CD99: variants seen among roughly 807,000 people sequenced by gnomAD.
CD99 encodes the protein CD99 antigen.
Under a neutral mutation model 28.4 loss-of-function variants are expected in CD99, and 19 were observed. The ratio of observed to expected loss-of-function variants is 0.67; its 90% CI spans 0.47 to 0.98. CD99 has a LOEUF of 0.98. Among genes scored for constraint, CD99 ranks in the 50% least tolerant of loss-of-function variants. The pLI is 0.00. For synonymous variants in CD99, 103 were observed against 92.1 expected (o/e 1.12, Z -0.67); for missense variants, 283 against 248.8 (o/e 1.14, Z -0.92).
Position 2,698,392 on chromosome X carries a change from C to T in CD99, c.67+6965C>T, listed in dbSNP as rs144801779. On this transcript the variant is annotated intron_variant, in intron 1 of 9. Transcript: ENST00000381192. ...CTACATTGCCCAGGCTGGTCTTGAA[C>T]TCCTGGGCTCAAGCAAACCTCTCGC... 2.1e-3 allele frequency among the ~76,000 whole-genome samples: 317 copies of T among 151,630 alleles called. 1 individual carries two copies. The highest frequency in any genetic ancestry group is 6.9e-3 in the Middle Eastern group (2 of 288).
chrX:2,708,173 A>G (rs1378399909), intron 1 of CD99, among the ~76,000 whole-genome samples: 1 of 152,010 alleles, frequency 6.6e-6, no homozygotes, highest in Non-Finnish European at 1.5e-5. Flanking sequence ...GGGGAACTGC[A>G]TCCCTTCACA....
chrX:2,697,364 C>T (rs1240815848), intron 1 of CD99, among the ~76,000 whole-genome samples: 5 of 152,144 alleles, frequency 3.3e-5, no homozygotes, highest in African/African-American at 7.2e-5. Context: ...TGCTCCAAAG[C>T]GCTGTTTAAA....
intron 1 of CD99, among the ~76,000 whole-genome samples, chrX:2,703,393 G>C (rs1402461775): frequency 2.6e-5 from 4 of 152,072 alleles, no homozygotes; most frequent in South Asian, 4.1e-4. Context: ...ATCAATGTGA[G>C]TGACTCCACA....
At chrX:2,703,605 A>AGAGTGTGT (rs780707509) in intron 1 of CD99, among the ~76,000 whole-genome samples, 3 of 138,404 alleles carry the variant, frequency 2.2e-5, no homozygotes, top group African/African-American at 8.1e-5. Flanking sequence ...CGAGCTGTTA[A>AGAGTGTGT]GTGTGTGTGT....
At chrX:2,731,987 G>A (rs2049634412) in intron 8 of CD99, among the ~76,000 whole-genome samples, 1 of 150,348 alleles carries the variant, frequency 6.7e-6, no homozygotes, top group Admixed American at 6.6e-5. Context: ...AAAAAAATTA[G>A]CTGAGTGTGG....
intron 8 of CD99, chrX:2,733,209 G>C: frequency 1.2e-6 from 1 of 803,620 alleles, no homozygotes; most frequent in Non-Finnish European, 2.1e-6. Flanking sequence ...CTCACACTTT[G>C]AGCCTCTATC....
intron 2 of CD99, chrX:2,715,105 G>GA (rs2048626765): frequency 6.6e-6 from 1 of 152,304 alleles, no homozygotes; most frequent in South Asian, 2.1e-4. Context: ...TCTCCATGGG[G>GA]CCACTCCTTC....
chrX:2,699,467 CTT>C (rs749766023), intron 1 of CD99, among the ~76,000 whole-genome samples: 45 of 120,798 alleles, frequency 3.7e-4, no homozygotes, highest in Admixed American at 8.7e-4. Flanking sequence ...CGCGCCCAGC[CTT>C]TTTTTTTTTT....
At chrX:2,732,560 T>C (rs922055523) in intron 8 of CD99, among the ~76,000 whole-genome samples, 1 of 124,350 alleles carries the variant, frequency 8.0e-6, no homozygotes, top group African/African-American at 2.8e-5. Flanking sequence ...CCCTCAGTTC[T>C]CCCTCTCTCT....
chrX:2,718,040 C>T lies in CD99; in HGVS notation c.148+388C>T, dbSNP rs1269898394. On this transcript the variant is annotated intron_variant, in intron 3 of 9. Transcript: ENST00000381192. ...CACTGCAACCTCCACCTCCCGGGTTCAGTGATTCTCCTGCCTCAGATGCCT... is the reference window on the plus strand; with the variant it reads ...CACTGCAACCTCCACCTCCCGGGTTTAGTGATTCTCCTGCCTCAGATGCCT... The T allele has an allele frequency of 4.5e-5, 8 of 179,542 alleles. No homozygotes were observed. In the Admixed American group the frequency reaches 4.8e-4, roughly 11 times the overall value. The allele number at this position is 179,542 out of a possible 1,614,324, so 11.1% of individuals were successfully genotyped here.
chrX:2,696,649 C>T (rs186350649), intron 1 of CD99, among the ~76,000 whole-genome samples: 1,890 of 152,176 alleles, frequency 0.012, 42 homozygotes, highest in African/African-American at 0.041. Context: ...GTGATCCGCC[C>T]GCCTCGGCCT....
chrX:2,732,690 C>T (rs997331396), intron 8 of CD99, among the ~76,000 whole-genome samples: 1 of 136,160 alleles, frequency 7.3e-6, no homozygotes, highest in African/African-American at 3.5e-5. Flanking sequence ...CTTCTCTTTT[C>T]TTCTTATGTA....
chrX:2,705,011 G>T (rs1433159529), intron 1 of CD99, among the ~76,000 whole-genome samples: 1 of 152,174 alleles, frequency 6.6e-6, no homozygotes, highest in Non-Finnish European at 1.5e-5. Context: ...CACTGTACCC[G>T]GCCACCTATG....
intron 9 of CD99, 130 bp downstream of exon 9, chrX:2,738,386 T>C: frequency 3.6e-6 from 3 of 842,738 alleles, no homozygotes; most frequent in Non-Finnish European, 6.1e-6. Context: ...TGTCTTCCTT[T>C]ATGTCTCGTT....
chrX:2,719,313 A>G (rs2048884687), intron 3 of CD99: 2 of 289,786 alleles, frequency 6.9e-6, no homozygotes, highest in African/African-American at 2.2e-5. Flanking sequence ...TCAACAGGAG[A>G]AAATCATGTG....
At chrX:2,720,112 C>T (rs1026203109) in intron 4 of CD99, among the ~76,000 whole-genome samples, 12 of 151,984 alleles carry the variant, frequency 7.9e-5, no homozygotes, top group Non-Finnish European at 1.6e-4. Flanking sequence ...TTATTTTGGC[C>T]CTAGAAATTC....
chrX:2,700,959 G>T (rs868149890), intron 1 of CD99, among the ~76,000 whole-genome samples: 1 of 108,300 alleles, frequency 9.2e-6, no homozygotes, highest in Non-Finnish European at 1.8e-5. Context: ...ACCTCCATCC[G>T]TCTACCCACC....
At chrX:2,708,327 C>G (rs1036968391) in intron 1 of CD99, among the ~76,000 whole-genome samples, 2 of 152,108 alleles carry the variant, frequency 1.3e-5, no homozygotes, top group Non-Finnish European at 2.9e-5. Context: ...GGGTCACCTC[C>G]CTTTCCTCCC....
chrX:2,715,362 C>T (rs1040019525), intron 2 of CD99: 1 of 152,268 alleles, frequency 6.6e-6, no homozygotes, highest in Non-Finnish European at 1.5e-5. Flanking sequence ...CAGACCCATG[C>T]TCCCTCTAGG....
Sources: allele counts gnomAD v4.1 joint callset (sites outside exome capture counted in the v4.1 genomes callset), GRCh38; gene constraint gnomAD v4.1.1; transcripts MANE v1.5; gene names NCBI Gene and HGNC (gene_info 2026-07-23, HGNC 2026-07-21).